Variants in CDHR3 observed in about 807,000 individuals in gnomAD.
CDHR3 encodes cadherin related family member 3, also known as cadherin-related family member 3.
CDHR3 carries 79 observed loss-of-function variants against 86.6 expected under a neutral mutation model. The ratio of observed to expected loss-of-function variants is 0.91; its 90% confidence interval spans 0.76 to 1.10. The LOEUF is 1.10. Ranked by LOEUF, CDHR3 falls within the 50% of genes least tolerant of loss-of-function variation. CDHR3 has a pLI of 0.00. For missense variants in CDHR3, 1,081 were observed against 1,077.6 expected (o/e 1.00, Z -0.04); for synonymous variants, 421 against 402.4 (o/e 1.05, Z -0.55).
intron 4 of CDHR3, among the ~76,000 whole-genome samples, chr7:105,993,207 G>T (rs1831630992): frequency 1.3e-5 from 2 of 152,188 alleles, no homozygotes; most frequent in Non-Finnish European, 2.9e-5. Context: ...TAACCTTAAA[G>T]CCCTTTGGAA....
chr7:106,024,262 T>C, intron 14 of CDHR3, 119 bp from the exon 15 acceptor site: 1 of 844,778 alleles, frequency 1.2e-6, no homozygotes. Context: ...CACACAGATG[T>C]CCAACTTATA....
At chr7:105,987,564 C>T (rs1444590340) in intron 4 of CDHR3, among the ~76,000 whole-genome samples, 1 of 152,186 alleles carries the variant, frequency 6.6e-6, no homozygotes. Flanking sequence ...TAATTTGCTA[C>T]TGACCAACCT....
chr7:105,984,083 G>A (rs1351392906), intron 3 of CDHR3, 109 bp from the exon 4 acceptor site: 4 of 526,858 alleles, frequency 7.6e-6, no homozygotes, highest in Non-Finnish European at 1.3e-5. Context: ...TTGGTCCCAC[G>A]ATGCCAACAC....
In CDHR3 at chr7:106,022,208, C is replaced by T. The variant is rs771145662; in HGVS notation, c.1836C>T (p.Asn612=). 5 of 1,613,912 alleles carry T rather than the reference C, an allele frequency of 3.1e-6. No individual in the cohort carries two copies. The highest frequency in any genetic ancestry group is 3.4e-6 in the Non-Finnish European group (4 of 1,179,906). ...TCAAATCTCATTTAGGTAACGTCAA[C>T]AATCATTTCACCTTCTCTCCCAATG... is the stretch of plus-strand genomic sequence containing the variant. The part of the protein sequence containing the change: ...FRYSIGPGNV[N]NHFTFSPNAG... The change falls in exon 14 of 19, where the codon AAC becomes AAT. Residue 612 remains asparagine, a synonymous_variant. Transcript: ENST00000317716.
intron 11 of CDHR3, among the ~76,000 whole-genome samples, chr7:106,017,015 C>A (rs1783828015): frequency 6.6e-6 from 1 of 152,066 alleles, no homozygotes. Flanking sequence ...TGCTAGCAGA[C>A]CCACCAACAA....
intron 3 of CDHR3, among the ~76,000 whole-genome samples, chr7:105,983,469 G>T (rs928541051): frequency 1.3e-5 from 2 of 152,182 alleles, no homozygotes; most frequent in African/African-American, 2.4e-5. Flanking sequence ...CTGTTATGAA[G>T]ATGAAAATAG....
chr7:106,029,798 A>T (rs748072766), intron 17 of CDHR3, among the ~76,000 whole-genome samples: 1 of 152,222 alleles, frequency 6.6e-6, no homozygotes, highest in Non-Finnish European at 1.5e-5. Context: ...TGTTCTGGCC[A>T]GTGTACAAAC....
At chr7:106,031,848 C>T (rs1398345855) in intron 18 of CDHR3, among the ~76,000 whole-genome samples, 3 of 151,880 alleles carry the variant, frequency 2.0e-5, no homozygotes, top group Admixed American at 6.6e-5. Flanking sequence ...TTAGTGTCTG[C>T]TGGCTCGGAC....
Position 106,020,623 on chromosome 7 carries a change from A to T in CDHR3, c.1825+79A>T, listed in dbSNP as rs921613234. On this transcript the variant is annotated intron_variant, in intron 13 of 18. Coordinates refer to ENST00000317716, the MANE Select transcript of CDHR3 (RefSeq NM_152750.5). ...GTCTAGGGTAGGGGTCTGTGCTCAC[A>T]CACTGATCTGGGCAAAGTGGGATGG... is the stretch of plus-strand genomic sequence containing the variant. The T allele has an allele frequency of 1.3e-5, 19 of 1,491,062 alleles. No homozygotes were observed. In the African/African-American group the frequency reaches 2.7e-4, roughly 21 times the overall value. The allele number at this position is 1,491,062 out of a possible 1,614,324, so 92.4% of individuals were successfully genotyped here. A position where few individuals can be genotyped will look rare whatever the true frequency, so the allele number is the denominator to read the frequency against.
At chr7:106,008,983 C>A (rs1011317471) in intron 8 of CDHR3, among the ~76,000 whole-genome samples, 1 of 152,156 alleles carries the variant, frequency 6.6e-6, no homozygotes, top group African/African-American at 2.4e-5. Flanking sequence ...AGTCCAGAGT[C>A]CCCTGGAGTA....
intron 12 of CDHR3, among the ~76,000 whole-genome samples, chr7:106,018,596 A>G (rs1836031959): frequency 6.6e-6 from 1 of 152,182 alleles, no homozygotes. Flanking sequence ...GTTGTTGGCC[A>G]GATATTAGAA....
At chr7:106,000,173 G>T (rs1832917143) in intron 6 of CDHR3, among the ~76,000 whole-genome samples, 2 of 152,344 alleles carry the variant, frequency 1.3e-5, no homozygotes, top group Non-Finnish European at 1.5e-5. Flanking sequence ...GTAAGGGAAA[G>T]GATGAATGGG....
chr7:105,977,144 T>C (rs1011569100), intron 2 of CDHR3, among the ~76,000 whole-genome samples: 16 of 152,212 alleles, frequency 1.1e-4, no homozygotes, highest in Non-Finnish European at 1.5e-4. Context: ...ACAACATTAA[T>C]ATCACTATTT....
intron 10 of CDHR3, among the ~76,000 whole-genome samples, chr7:106,015,639 C>G (rs576509042): frequency 6.6e-6 from 1 of 152,234 alleles, no homozygotes; most frequent in African/African-American, 2.4e-5. Context: ...CCTACAACAC[C>G]CCCCAATCTC....
At chr7:106,029,100 C>T (rs1185571595) in intron 17 of CDHR3, among the ~76,000 whole-genome samples, 1 of 152,038 alleles carries the variant, frequency 6.6e-6, no homozygotes, top group Non-Finnish European at 1.5e-5. Flanking sequence ...ATGCCTCGGC[C>T]TCCCAAGTAG....
At chr7:105,971,099 C>T (rs1827890545) in intron 1 of CDHR3, among the ~76,000 whole-genome samples, 1 of 150,192 alleles carries the variant, frequency 6.7e-6, no homozygotes, top group Non-Finnish European at 1.5e-5. Flanking sequence ...CAAGATCGCG[C>T]CACTGCATTC....
At chr7:105,987,385 G>A (rs760927911) in intron 4 of CDHR3, among the ~76,000 whole-genome samples, 22 of 152,284 alleles carry the variant, frequency 1.4e-4, no homozygotes, top group Admixed American at 5.9e-4. Context: ...CTGCAGGAGC[G>A]GTGGACATAA....
intron 9 of CDHR3, among the ~76,000 whole-genome samples, 187 bp from the exon 10 acceptor site, chr7:106,014,924 A>C (rs942550398): frequency 6.6e-6 from 1 of 152,230 alleles, no homozygotes; most frequent in Non-Finnish European, 1.5e-5. Flanking sequence ...TTATTTCCAT[A>C]AGTTCACTAG....
At chr7:106,012,315 G>C (rs1338208117) in intron 8 of CDHR3, among the ~76,000 whole-genome samples, 2 of 152,110 alleles carry the variant, frequency 1.3e-5, no homozygotes, top group Non-Finnish European at 2.9e-5. Flanking sequence ...AGGGAACATT[G>C]CCATTCTAGA....
Sources: gnomAD v4.1 joint callset for allele counts (sites outside exome capture counted in the v4.1 genomes callset) on GRCh38, gnomAD v4.1.1 for gene constraint, MANE v1.5 for transcripts, NCBI Gene and HGNC (gene_info 2026-07-23, HGNC 2026-07-21) for gene names.